Variants in PTPRE observed in about 807,000 individuals in gnomAD.
PTPRE encodes the protein protein tyrosine phosphatase receptor type E.
A neutral mutation model predicts 102.0 loss-of-function variants in PTPRE; 51 were observed. That is an observed-to-expected ratio of 0.50 (90% confidence interval 0.40 to 0.63). PTPRE has a LOEUF of 0.63. Ranked by LOEUF, PTPRE falls within the 30% of genes least tolerant of loss-of-function variation. The pLI is 0.00. For missense variants in PTPRE, 752 were observed against 915.1 expected, an observed-to-expected ratio of 0.82 and a Z score of 2.30; for synonymous variants, 345 against 348.2, an observed-to-expected ratio of 0.99 and a Z score of 0.10.
At chr10:127,922,332 G>A (rs373419609) in intron 1 of PTPRE, among the ~76,000 whole-genome samples, 14 of 152,346 alleles carry the variant, frequency 9.2e-5, no homozygotes, top group Admixed American at 2.6e-4. Context: ...CTTTGCCGCC[G>A]GACACCTAAC....
At chr10:127,957,453 A>G (rs1356806954) in intron 1 of PTPRE, among the ~76,000 whole-genome samples, 3 of 152,194 alleles carry the variant, frequency 2.0e-5, no homozygotes, top group Admixed American at 6.5e-5. Context: ...ATAGATAATC[A>G]TGTAATCTGT....
At chr10:128,003,915 G>A (rs1461885276) in intron 2 of PTPRE, among the ~76,000 whole-genome samples, 1 of 151,920 alleles carries the variant, frequency 6.6e-6, no homozygotes, top group Non-Finnish European at 1.5e-5. Context: ...CACCCCATTG[G>A]CAACACCCCA....
At chr10:127,956,960 T>C (rs1220479777) in intron 1 of PTPRE, among the ~76,000 whole-genome samples, 1 of 152,212 alleles carries the variant, frequency 6.6e-6, no homozygotes, top group African/African-American at 2.4e-5. Context: ...TTTTTGTACA[T>C]TATTGATAAA....
At chr10:128,069,592 G>T in intron 12 of PTPRE, 100 bp from the exon 13 acceptor site, 1 of 1,503,996 alleles carries the variant, frequency 6.6e-7, no homozygotes. Context: ...AAAACAAAAA[G>T]TTGCATCCAG....
Position 128,035,566 on chromosome 10 carries a change from C to T in PTPRE, c.-7-5309C>T, listed in dbSNP as rs577730221. 3.8e-4 allele frequency among the ~76,000 whole-genome samples: 58 copies of T among 152,346 alleles called. 1 individual carries two copies. Among genetic ancestry groups the T allele is most frequent in the South Asian group, 1.7e-3 (8 of 4,820 alleles). ...GAGTATGGCTCCCAAATCATTGTCTCCTGCTTCCTTGAGAAGAACCCTCAT... is the reference window on the plus strand; with the variant it reads ...GAGTATGGCTCCCAAATCATTGTCTTCTGCTTCCTTGAGAAGAACCCTCAT... On this transcript the variant is annotated intron_variant, in intron 2 of 20. Coordinates refer to ENST00000254667, the MANE Select transcript of PTPRE (RefSeq NM_006504.6).
intron 7 of PTPRE, among the ~76,000 whole-genome samples, chr10:128,060,095 C>CT (rs1462932525): frequency 6.7e-6 from 1 of 148,648 alleles, no homozygotes; most frequent in African/African-American, 2.5e-5. Context: ...CACACACACA[C>CT]ACACACACTA....
At chr10:128,073,030 A>G (rs1246256139) in intron 16 of PTPRE, among the ~76,000 whole-genome samples, 3 of 152,240 alleles carry the variant, frequency 2.0e-5, no homozygotes, top group African/African-American at 2.4e-5. Flanking sequence ...TGAAACACAC[A>G]GAAACATGTT....
At chr10:127,960,150 G>T (rs1434478603) in intron 1 of PTPRE, among the ~76,000 whole-genome samples, 1 of 152,172 alleles carries the variant, frequency 6.6e-6, no homozygotes, top group Non-Finnish European at 1.5e-5. Context: ...TGGCATGCGG[G>T]TGCCCCAGGG....
At chr10:127,964,060 A>T (rs1367023570) in intron 1 of PTPRE, among the ~76,000 whole-genome samples, 1 of 152,142 alleles carries the variant, frequency 6.6e-6, no homozygotes, top group East Asian at 1.9e-4. Flanking sequence ...TCCTGTTGAG[A>T]CCACTCCTTG....
At position 128,076,132 on chromosome 10, in the gene PTPRE, A is replaced by G. The variant is rs952039349; in HGVS notation, c.1600-471A>G. 2.8e-4 allele frequency among the ~76,000 whole-genome samples: 42 copies of G among 152,202 alleles called. 1 individual carries two copies. Among genetic ancestry groups the G allele is most frequent in the Admixed American group, 5.2e-4 (8 of 15,272 alleles). ...TCCTTGTGTACCTCAAAGTGAAAAG[A>G]TATTTCTTCTTCCAAGAGTTTCACA... On this transcript the variant is annotated intron_variant, in intron 17 of 20. Transcript: ENST00000254667.
intron 1 of PTPRE, among the ~76,000 whole-genome samples, chr10:127,950,567 G>A (rs112348234): frequency 2.6e-5 from 4 of 152,140 alleles, no homozygotes; most frequent in African/African-American, 9.7e-5. Flanking sequence ...GAAGAGCTCC[G>A]CGATTGCTCT....
At chr10:127,925,499 G>A (rs1846937393) in intron 1 of PTPRE, among the ~76,000 whole-genome samples, 1 of 152,170 alleles carries the variant, frequency 6.6e-6, no homozygotes, top group Non-Finnish European at 1.5e-5. Flanking sequence ...GACGGCTACC[G>A]CAGAGTTCTC....
intron 3 of PTPRE, among the ~76,000 whole-genome samples, chr10:128,042,269 C>T (rs372702048): frequency 1.3e-5 from 2 of 152,224 alleles, no homozygotes; most frequent in South Asian, 4.1e-4. Flanking sequence ...TCCGTTTGCG[C>T]AACAGTGGGG....
chr10:128,019,633 CCATTCATT>C (rs1554923595), intron 2 of PTPRE, among the ~76,000 whole-genome samples: 1 of 147,252 alleles, frequency 6.8e-6, no homozygotes, highest in African/African-American at 2.7e-5. Context: ...CTATGTCAGC[CCATTCATT>C]CATTCATTCA....
intron 2 of PTPRE, among the ~76,000 whole-genome samples, chr10:127,993,441 G>A (rs970261368): frequency 2.6e-5 from 4 of 152,176 alleles, no homozygotes; most frequent in Non-Finnish European, 4.4e-5. Context: ...AGCCATGCCT[G>A]ACTGTCACAG....
chr10:128,034,325 A>ACCCCCCCCCC (rs58597055), intron 2 of PTPRE, among the ~76,000 whole-genome samples: 2 of 147,056 alleles, frequency 1.4e-5, no homozygotes, highest in Admixed American at 6.8e-5. Context: ...CCTCCACACC[A>ACCCCCCCCCC]CCCCCCCCAC....
At chr10:128,079,413 A>C in intron 19 of PTPRE, 147 bp from the exon 20 acceptor site, 1 of 1,088,130 alleles carries the variant, frequency 9.2e-7, no homozygotes, top group Non-Finnish European at 1.3e-6. Context: ...ACTACATACA[A>C]ATGATCAAAA....
chr10:127,953,264 A>T (rs565244886), intron 1 of PTPRE, among the ~76,000 whole-genome samples: 3 of 152,338 alleles, frequency 2.0e-5, no homozygotes, highest in African/African-American at 7.2e-5. Flanking sequence ...TCAGTGGCCG[A>T]TAGGGATGCT....
intron 20 of PTPRE, among the ~76,000 whole-genome samples, chr10:128,082,527 T>G (rs1387259875): frequency 6.7e-6 from 1 of 150,258 alleles, no homozygotes; most frequent in Non-Finnish European, 1.5e-5. Flanking sequence ...GGTTTTTTGT[T>G]TTTTTTTTTA....
Sources: gnomAD v4.1 joint callset for allele counts (sites outside exome capture counted in the v4.1 genomes callset) on GRCh38, gnomAD v4.1.1 for gene constraint, MANE v1.5 for transcripts, NCBI Gene and HGNC (gene_info 2026-07-23, HGNC 2026-07-21) for gene names.